CREB5: variants seen among roughly 807,000 people sequenced by gnomAD.
CREB5 encodes cAMP responsive element binding protein 5.
In CREB5, 19 loss-of-function variants were observed where a neutral mutation model predicts 57.1. That is an observed-to-expected ratio of 0.33 (90% confidence interval 0.23 to 0.49). The LOEUF is 0.49. Among genes scored for constraint, CREB5 ranks in the 20% least tolerant of loss-of-function variants. The pLI is 0.99. For missense variants in CREB5, 579 were observed against 671.6 expected (o/e 0.86, Z 1.52); for synonymous variants, 238 against 238.3 (o/e 1.00, Z 0.01).
chr7:28,409,164 G>A (rs1451564231), upstream of CREB5, among the ~76,000 whole-genome samples: 1 of 151,500 alleles, frequency 6.6e-6, no homozygotes, highest in Non-Finnish European at 1.5e-5. The surrounding 1 kb of genome is among the most constrained non-coding windows in gnomAD (Gnocchi z 4.4). Flanking sequence ...TGCCGCTCCC[G>A]GGCGGGTGCA....
intron 1 of CREB5, among the ~76,000 whole-genome samples, chr7:28,359,426 G>A (rs191454778): frequency 8.0e-4 from 122 of 152,254 alleles, no homozygotes; most frequent in Admixed American, 2.9e-3. Context: ...TGCATTTACG[G>A]CCAATTGATT....
At chr7:28,737,922 T>C (rs994422022) in intron 7 of CREB5, among the ~76,000 whole-genome samples, 2 of 152,168 alleles carry the variant, frequency 1.3e-5, no homozygotes, top group South Asian at 4.1e-4. Context: ...TTTTTACAAA[T>C]AGTTCAAAAT....
chr7:28,705,890 C>A (rs1397379292), intron 5 of CREB5, among the ~76,000 whole-genome samples: 4 of 152,102 alleles, frequency 2.6e-5, no homozygotes, highest in Non-Finnish European at 1.5e-5. Context: ...GAAAAGTAAG[C>A]CTTTTAAAAT....
At chr7:28,621,674 A>C (rs1007840211) in intron 5 of CREB5, among the ~76,000 whole-genome samples, 3 of 151,984 alleles carry the variant, frequency 2.0e-5, no homozygotes, top group Admixed American at 1.3e-4. Context: ...CCATGATCTC[A>C]CTCCCCTGAG....
At chr7:28,320,775 G>A (rs1217515508) in intron 1 of CREB5, among the ~76,000 whole-genome samples, 1 of 152,232 alleles carries the variant, frequency 6.6e-6, no homozygotes, top group Non-Finnish European at 1.5e-5. Context: ...TCCATTAGCT[G>A]TGGATTACCA....
At chr7:28,576,428 G>T (rs76338782) in intron 5 of CREB5, among the ~76,000 whole-genome samples, 2,439 of 152,284 alleles carry the variant, frequency 0.016, 65 homozygotes, top group African/African-American at 0.056. Flanking sequence ...GATAAACAGA[G>T]TTTTGAATAT....
chr7:28,384,251 C>T (rs954096839), intron 1 of CREB5, among the ~76,000 whole-genome samples: 6 of 152,274 alleles, frequency 3.9e-5, no homozygotes, highest in East Asian at 3.9e-4. Context: ...AACCCCAGTG[C>T]GCAGTACTGC....
Position 28,751,477 on chromosome 7 carries a change from T to C in CREB5, c.702+27145T>C, listed in dbSNP as rs908459322. Among the ~76,000 whole-genome samples, 23 of 152,374 alleles carry C rather than the reference T, an allele frequency of 1.5e-4. 1 individual carries two copies. The highest frequency in any genetic ancestry group is 4.8e-4 in the African/African-American group (20 of 41,596). On this transcript the variant is annotated intron_variant, in intron 7 of 10. Transcript: ENST00000357727. ...ACCCTAGTGGTTTTCCACTCAGTCGTTGAGTTGCTTGTGGTTTGCAAATAT... is the reference window on the plus strand; with the variant it reads ...ACCCTAGTGGTTTTCCACTCAGTCGCTGAGTTGCTTGTGGTTTGCAAATAT...
At chr7:28,686,036 G>C (rs1027687957) in intron 5 of CREB5, 6 of 1,200,578 alleles carry the variant, frequency 5.0e-6, no homozygotes, top group Non-Finnish European at 7.1e-6. Flanking sequence ...AGGCGCAAAA[G>C]AAGGGCCAGC....
chr7:28,579,325 T>C (rs925881931), intron 5 of CREB5, among the ~76,000 whole-genome samples: 4 of 152,192 alleles, frequency 2.6e-5, no homozygotes, highest in African/African-American at 9.7e-5. Flanking sequence ...ATTTAGCAGG[T>C]AGTCTAGTAA....
chr7:28,320,270 C>T (rs570737727), intron 1 of CREB5, among the ~76,000 whole-genome samples: 32 of 151,884 alleles, frequency 2.1e-4, no homozygotes, highest in Non-Finnish European at 3.7e-4. Flanking sequence ...CCCATGTAGT[C>T]GGCACAAATT....
At chr7:28,464,642 T>G (rs1431790339) in intron 1 of CREB5, among the ~76,000 whole-genome samples, 3 of 151,712 alleles carry the variant, frequency 2.0e-5, no homozygotes, top group Non-Finnish European at 4.4e-5. Flanking sequence ...GTCCTTTTCA[T>G]CAGGATTATC....
At chr7:28,661,602 T>A (rs1291366655) in intron 5 of CREB5, among the ~76,000 whole-genome samples, 1 of 152,236 alleles carries the variant, frequency 6.6e-6, no homozygotes, top group African/African-American at 2.4e-5. Flanking sequence ...AGACTAAACT[T>A]CATAAATATA....
chr7:28,482,977 T>A (rs1459482902), intron 1 of CREB5, among the ~76,000 whole-genome samples: 7 of 152,248 alleles, frequency 4.6e-5, no homozygotes, highest in Admixed American at 4.6e-4. Context: ...GCCATCCCAC[T>A]AAGATTAGAG....
At chr7:28,560,999 C>CGTGCGA (rs1562798375) in intron 4 of CREB5, among the ~76,000 whole-genome samples, 1 of 34,184 alleles carries the variant, frequency 2.9e-5, no homozygotes. Context: ...TGTGTGCCTG[C>CGTGCGA]GTGTGCGTGT....
At chr7:28,357,060 T>G (rs948663345) in intron 1 of CREB5, among the ~76,000 whole-genome samples, 1 of 151,984 alleles carries the variant, frequency 6.6e-6, no homozygotes, top group Non-Finnish European at 1.5e-5. Context: ...ACTTTCCTCT[T>G]TCTTTTTTCC....
intron 1 of CREB5, among the ~76,000 whole-genome samples, chr7:28,317,690 TC>T (rs1469141442): frequency 6.6e-6 from 1 of 152,240 alleles, no homozygotes; most frequent in African/African-American, 2.4e-5. Context: ...AATTAGGTAA[TC>T]TATGTAATTA....
chr7:28,670,990 G>A (rs1800014841), intron 5 of CREB5, among the ~76,000 whole-genome samples: 1 of 152,088 alleles, frequency 6.6e-6, no homozygotes, highest in Admixed American at 6.5e-5. Context: ...ATATAACTGT[G>A]GCGGAGAGTG....
At chr7:28,512,102 C>A (rs929174557) in intron 4 of CREB5, among the ~76,000 whole-genome samples, 2 of 152,004 alleles carry the variant, frequency 1.3e-5, no homozygotes, top group African/African-American at 4.8e-5. Flanking sequence ...GATGGGATTG[C>A]CTGTGGGAGG....
Sources: gnomAD v4.1 joint callset for allele counts (sites outside exome capture counted in the v4.1 genomes callset) on GRCh38, gnomAD v4.1.1 for gene constraint, Gnocchi (gnomAD v3.1) non-coding constraint, MANE v1.5 for transcripts, NCBI Gene and HGNC (gene_info 2026-07-23, HGNC 2026-07-21) for gene names.